Variants in HDAC10 observed in about 807,000 individuals in gnomAD.
The protein encoded by HDAC10 is histone deacetylase 10.
A neutral mutation model predicts 82.3 loss-of-function variants in HDAC10; 90 were observed. That is an observed-to-expected ratio of 1.09 (90% CI 0.92 to 1.30). HDAC10 has a LOEUF of 1.30. HDAC10 is among the 50% of genes most tolerant of loss of function. The pLI is 0.00. For synonymous variants in HDAC10, 456 were observed against 391.7 expected (o/e 1.16, Z -1.94); for missense variants, 934 against 876.3 (o/e 1.07, Z -0.83).
chr22:50,249,324 G>C lies in HDAC10; in HGVS notation c.690+4C>G. The C allele has an allele frequency of 2.5e-6, 4 of 1,601,478 alleles. No individual in the cohort carries two copies. Among genetic ancestry groups the C allele is most frequent in the African/African-American group, 2.7e-5 (2 of 74,670 alleles). ...GTGGGGACCTGGGGCTTGAGGGTGG[G>C]CACCTGGTTCCAGGGCAGGTTGACA... On this transcript the variant is annotated splice_donor_region_variant and intron_variant, in intron 7 of 19. Transcript: ENST00000216271. This position sits in a 1 kb window ranked among gnomAD's most constrained non-coding sequence, Gnocchi z 4.4.
At position 50,249,513 on chromosome 22, in the gene HDAC10, C is replaced by T. The variant is rs991290960; in HGVS notation, c.564-59G>A. The T allele has an allele frequency of 3.8e-5, 61 of 1,608,022 alleles. No homozygotes were observed. The highest frequency in any genetic ancestry group is 4.9e-5 in the Non-Finnish European group (58 of 1,176,716). On this transcript the variant is annotated intron_variant, in intron 6 of 19. Transcript: ENST00000216271. This position sits in a 1 kb window ranked among gnomAD's most constrained non-coding sequence, Gnocchi z 4.4. ...GTCAGGACCCTCAACAGCTCTACAG[C>T]TCCCTGTAGAACGCTGACCCCTGAG...
intron 19 of HDAC10, 60 bp downstream of exon 19, chr22:50,245,615 C>A: frequency 6.2e-7 from 1 of 1,609,038 alleles, no homozygotes; most frequent in Non-Finnish European, 8.5e-7. Flanking sequence ...GCCCTCCCCA[C>A]CGATCTGTGC....
Position 50,245,847 on chromosome 22 carries a change from G to T in HDAC10, c.1834-20C>A, listed in dbSNP as rs13053896. The T allele has an allele frequency of 6.4e-7, 1 of 1,558,808 alleles. No individual in the cohort carries two copies. ...GGAGTTCTGGACCAGGGGCGAAGAC[G>T]GAAGCAGTCACTGGTCCTTTCCCTC... On this transcript the variant is annotated intron_variant, in intron 18 of 19. Transcript: ENST00000216271.
chr22:50,248,783 T>C lies in HDAC10; in HGVS notation c.817-32A>G, dbSNP rs2065015457. The stretch of plus-strand genomic sequence containing the variant: ...CCAGAGCCATGTGTGATGGGGGACC[T>C]GGGCCCCAGGACCCCAGAAGCCCTC... On this transcript the variant is annotated intron_variant, in intron 9 of 19. Coordinates refer to ENST00000216271, the MANE Select transcript of HDAC10 (RefSeq NM_032019.6). The surrounding 1 kb of genome is among the most constrained non-coding windows in gnomAD (Gnocchi z 5.4). The C allele has an allele frequency of 6.3e-7, 1 of 1,597,944 alleles. No homozygotes were observed. The highest frequency in any genetic ancestry group is 1.3e-5 in the African/African-American group (1 of 74,702).
At chr22:50,245,572 CGCTGGA>C (rs766497990) in intron 19 of HDAC10, 42 bp from the exon 20 acceptor site, 2 of 1,448,390 alleles carry the variant, frequency 1.4e-6, no homozygotes, top group African/African-American at 2.8e-5. Flanking sequence ...TGGCCTCCGG[CGCTGGA>C]GCTGGTTCAG....
At chr22:50,246,643 G>T in intron 16 of HDAC10, 36 bp downstream of exon 16, 1 of 1,584,360 alleles carries the variant, frequency 6.3e-7, no homozygotes, top group Non-Finnish European at 8.6e-7. Context: ...CCGTCCACAT[G>T]CATGGCTGGA....
In HDAC10 at chr22:50,247,695, C is replaced by T. The variant is rs780029649; in HGVS notation, c.1419G>A (p.Gly473=). The change falls in exon 14 of 20, where the codon GGG becomes GGA. Residue 473 remains glycine (G), a synonymous_variant. Transcript: ENST00000216271. ...AACCCCTCCCAGGTGCTCCCACCTG[C>T]CCATCCAGCATCCCATCTAAGAGGT... The part of the protein sequence containing the change: ...LLYLLDGMLD[G]QVNSGIAATP... 2 of 1,569,522 alleles carry T rather than the reference C, an allele frequency of 1.3e-6. No homozygotes were observed. Among genetic ancestry groups the T allele is most frequent in the Non-Finnish European group, 1.7e-6 (2 of 1,151,596 alleles).
intron 14 of HDAC10, 44 bp downstream of exon 14, chr22:50,247,648 C>G (rs763329138): frequency 7.0e-7 from 1 of 1,430,386 alleles, no homozygotes; most frequent in South Asian, 1.3e-5. Flanking sequence ...CTGGTCCCTG[C>G]CCCTAGGTCC....
chr22:50,248,501 G>A lies in HDAC10; in HGVS notation c.907-29C>T. The A allele has an allele frequency of 1.3e-6, 2 of 1,586,652 alleles. No homozygotes were observed. Among genetic ancestry groups the A allele is most frequent in the Non-Finnish European group, 1.7e-6 (2 of 1,168,892 alleles). On this transcript the variant is annotated intron_variant, in intron 10 of 19. Transcript: ENST00000216271. This position sits in a 1 kb window ranked among gnomAD's most constrained non-coding sequence, Gnocchi z 5.4. ...GGAGGAGGGTGGAGACATGATTGGGGCAGAGATATCACTGGGATGGGATGT... is the reference window on the plus strand; with the variant it reads ...GGAGGAGGGTGGAGACATGATTGGGACAGAGATATCACTGGGATGGGATGT...
chr22:50,245,413 G>T lies in HDAC10; in HGVS notation c.*94C>A. ...GGGCGGGGTTCCGTGCCCCAGAGTC[G>T]AGGGAGCCGTGGGCTTGGGGTCCGG... On this transcript the variant is annotated 3_prime_UTR_variant, in exon 20 of 20. Coordinates refer to ENST00000216271, the MANE Select transcript of HDAC10 (RefSeq NM_032019.6). 1.4e-6 allele frequency: 1 copy of T among 712,760 alleles called. No individual in the cohort carries two copies. Among genetic ancestry groups the T allele is most frequent in the South Asian group, 1.5e-5 (1 of 67,600 alleles). The allele number at this position is 712,760 out of a possible 1,614,324, so 44.2% of individuals were successfully genotyped here. A position where few individuals can be genotyped will look rare whatever the true frequency, so the allele number is the denominator to read the frequency against.
chr22:50,249,713 G>A lies in HDAC10; in HGVS notation c.495-10C>T. ...GTCCACGACGAGGATCCTGGGTACA[G>A]ACAGCGCTGGTGGCAAAGGGGCAGG... On this transcript the variant is annotated splice_polypyrimidine_tract_variant and intron_variant, in intron 5 of 19. Transcript: ENST00000216271. The surrounding 1 kb of genome is among the most constrained non-coding windows in gnomAD (Gnocchi z 4.4). The A allele has an allele frequency of 6.2e-7, 1 of 1,612,788 alleles. No individual in the cohort carries two copies. Among genetic ancestry groups the A allele is most frequent in the Non-Finnish European group, 8.5e-7 (1 of 1,179,944 alleles).
At position 50,245,839 on chromosome 22, in the gene HDAC10, G is replaced by A. The variant is rs780517680; in HGVS notation, c.1834-12C>T. 12 of 1,561,628 alleles carry A rather than the reference G, an allele frequency of 7.7e-6. No homozygotes were observed. Among genetic ancestry groups the A allele is most frequent in the Non-Finnish European group, 1.0e-5 (12 of 1,152,888 alleles). On this transcript the variant is annotated splice_polypyrimidine_tract_variant and intron_variant, in intron 18 of 19. Transcript: ENST00000216271. ...TGGGGTGTGGAGTTCTGGACCAGGG[G>A]CGAAGACGGAAGCAGTCACTGGTCC...
Position 50,248,212 on chromosome 22 carries a change from C to T in HDAC10, c.1081+13G>A, listed in dbSNP as rs371277159. ...AGGTGGGATCCTGCAGCCTAGCACCCGGCCACACTGACCTTGCTGCTGGAG... is the reference window on the plus strand; with the variant it reads ...AGGTGGGATCCTGCAGCCTAGCACCTGGCCACACTGACCTTGCTGCTGGAG... On this transcript the variant is annotated intron_variant, in intron 12 of 19. Coordinates refer to ENST00000216271, the MANE Select transcript of HDAC10 (RefSeq NM_032019.6). This position sits in a 1 kb window ranked among gnomAD's most constrained non-coding sequence, Gnocchi z 5.4. 2.9e-5 allele frequency: 46 copies of T among 1,609,684 alleles called. No homozygotes were observed. The African/African-American group carries it at 4.4e-4, about 15-fold the overall frequency.
At chr22:50,250,010 C>T (rs752010955) in intron 4 of HDAC10, 46 bp from the exon 5 acceptor site, 1 of 1,608,116 alleles carries the variant, frequency 6.2e-7, no homozygotes. Context: ...GTCGCCCTGG[C>T]CCCTCACAGG....
chr22:50,247,129 C>T lies in HDAC10; in HGVS notation c.1423-163G>A, dbSNP rs571869156. On this transcript the variant is annotated intron_variant, in intron 14 of 19. Coordinates refer to ENST00000216271, the MANE Select transcript of HDAC10 (RefSeq NM_032019.6). ...TCCATTTCTGTAAATAAGATGCTTA[C>T]GTCTATAATTTTTTTTTTTTTTTTT... 32 of 479,506 alleles carry T rather than the reference C, an allele frequency of 6.7e-5. No homozygotes were observed. The East Asian group carries it at 6.7e-4, about 10-fold the overall frequency. The allele number at this position is 479,506 out of a possible 1,614,324, so 29.7% of individuals were successfully genotyped here.
chr22:50,249,428 T>A lies in HDAC10; in HGVS notation c.590A>T (p.Tyr197Phe). Reference protein sequence around the residue: ...PSVLYFSWHRYEHGRFWPFLR... With the variant: ...PSVLYFSWHRFEHGRFWPFLR... Reference sequence around the variant, plus strand: ...GAAAGGCCAGAAGCGCCCATGCTCATAGCGGTGCCAGGAGAAGTAAAGGAC... The same window carrying A: ...GAAAGGCCAGAAGCGCCCATGCTCAAAGCGGTGCCAGGAGAAGTAAAGGAC... The change falls in exon 7 of 20, where the codon TAT (tyrosine) becomes TTT (phenylalanine). Residue 197 changes from tyrosine to phenylalanine, a missense_variant. Coordinates refer to ENST00000216271, the MANE Select transcript of HDAC10 (RefSeq NM_032019.6). The surrounding 1 kb of genome is among the most constrained non-coding windows in gnomAD (Gnocchi z 4.4). 6.2e-7 allele frequency: 1 copy of A among 1,612,640 alleles called. No homozygotes were observed. The highest frequency in any genetic ancestry group is 8.5e-7 in the Non-Finnish European group (1 of 1,179,916).
chr22:50,245,294 C>G lies in HDAC10; in HGVS notation c.*213G>C, dbSNP rs1020451852. 4 of 606,508 alleles carry G rather than the reference C, an allele frequency of 6.6e-6. No homozygotes were observed. The highest frequency in any genetic ancestry group is 1.9e-5 in the African/African-American group (1 of 51,534). The allele number at this position is 606,508 out of a possible 1,614,324, so 37.6% of individuals were successfully genotyped here. A position where few individuals can be genotyped will look rare whatever the true frequency, so the allele number is the denominator to read the frequency against. On this transcript the variant is annotated 3_prime_UTR_variant, in exon 20 of 20. Coordinates refer to ENST00000216271, the MANE Select transcript of HDAC10 (RefSeq NM_032019.6). ...GTTGCATGGGCCTCGATGGGACGGG[C>G]CGGGGCGCGATGGGTGGGGCGGGGG...
At position 50,248,376 on chromosome 22, in the gene HDAC10, G is replaced by A; in HGVS notation, c.1003C>T (p.Pro335Ser). ...TACCTCCCCTCGCACCTCTGACATG[G>A]CGCCATTGGCCCTGACAGGGGTGGG... ...PAPPLSGPMAPCQSALESIQS... is the reference protein window; with the variant it reads ...PAPPLSGPMASCQSALESIQS... Residue 335 changes from proline to serine, a missense_variant, in exon 11 of 20, where the codon CCA (proline) becomes TCA (serine). Physicochemically the swap from Pro to Ser is moderately conservative, Grantham distance 74. Transcript: ENST00000216271. This position sits in a 1 kb window ranked among gnomAD's most constrained non-coding sequence, Gnocchi z 5.4. 2.5e-6 allele frequency: 4 copies of A among 1,610,478 alleles called. No homozygotes were observed. The highest frequency in any genetic ancestry group is 3.4e-6 in the Non-Finnish European group (4 of 1,179,896).
Position 50,245,973 on chromosome 22 carries a change from A to G in HDAC10, c.1770T>C (p.Ala590=), listed in dbSNP as rs1232660911. 6.2e-7 allele frequency: 1 copy of G among 1,608,378 alleles called. No homozygotes were observed. The highest frequency in any genetic ancestry group is 8.5e-7 in the Non-Finnish European group (1 of 1,178,190). The change falls in exon 18 of 20, where the codon GCT becomes GCC. Residue 590 remains alanine (A), a synonymous_variant. Coordinates refer to ENST00000216271, the MANE Select transcript of HDAC10 (RefSeq NM_032019.6). ...CCCGAAGCATTGCAGCCAGGAGTGCAGCGTGGGGGCCCTGCAGGCCATGGC... is the reference window on the plus strand; with the variant it reads ...CCCGAAGCATTGCAGCCAGGAGTGCGGCGTGGGGGCCCTGCAGGCCATGGC... ...GPGHGLQGPH[A]ALLAAMLRGL...
Sources: allele counts gnomAD v4.1 joint callset, GRCh38; gene constraint gnomAD v4.1.1; non-coding constraint Gnocchi (gnomAD v3.1); transcripts MANE v1.5; gene names NCBI Gene and HGNC (gene_info 2026-07-23, HGNC 2026-07-21).